The following PPFIA2 variants were observed in gnomAD, a reference collection of about 807,000 sequenced individuals.
PPFIA2 encodes the protein liprin-alpha-2.
PPFIA2 carries 46 observed loss-of-function variants against 175.5 expected under a neutral mutation model. That is an observed-to-expected ratio of 0.26 (90% CI 0.21 to 0.34). PPFIA2 has a LOEUF of 0.34. Among genes scored for constraint, PPFIA2 ranks in the 10% least tolerant of loss-of-function variants. The pLI is 1.00. For missense variants in PPFIA2, 1,179 were observed against 1,506.1 expected (o/e 0.78, Z 3.60); for synonymous variants, 568 against 511.4 (o/e 1.11, Z -1.49).
intron 5 of PPFIA2, among the ~76,000 whole-genome samples, chr12:81,452,065 C>G (rs1368940363): frequency 1.1e-4 from 16 of 152,082 alleles, no homozygotes; most frequent in Admixed American, 9.8e-4. Flanking sequence ...ACCACAGGTT[C>G]TATGTGTATA....
intron 22 of PPFIA2, among the ~76,000 whole-genome samples, chr12:81,299,883 G>A (rs1046511829): frequency 4.9e-4 from 75 of 152,020 alleles, no homozygotes; most frequent in African/African-American, 1.8e-3. Context: ...GTGGGTCCAG[G>A]GATCTATCTT....
rs1440286058 is a variant in PPFIA2 at position 81,353,275 on chromosome 12, G to C, written c.1838C>G (p.Pro613Arg). ...AGACATTTCAGTGTCACTTTCAAAAGGGTGGCTGCTTAGTACTCCAATCTG... is the reference window on the plus strand; with the variant it reads ...AGACATTTCAGTGTCACTTTCAAAACGGTGGCTGCTTAGTACTCCAATCTG... ...TQQIGVLSSHPFESDTEMSDI... is the reference protein window; with the variant it reads ...TQQIGVLSSHRFESDTEMSDI... Residue 613 changes from proline to arginine, a missense_variant, in exon 17 of 33, where the codon CCT becomes CGT. Physicochemically the swap from Pro to Arg is moderately radical, Grantham distance 103 (BLOSUM62 -2). Around this residue, in one of 10 missense-constraint regions of PPFIA2, gnomAD observed 186 missense variants for 163.6 expected, o/e 1.14. Transcript: ENST00000549396. 6.2e-7 allele frequency: 1 copy of C among 1,613,708 alleles called. No homozygotes were observed. The highest frequency in any genetic ancestry group is 1.3e-5 in the African/African-American group (1 of 75,010).
intron 4 of PPFIA2, among the ~76,000 whole-genome samples, chr12:81,555,823 G>T (rs1040282812): frequency 3.3e-5 from 5 of 151,846 alleles, no homozygotes; most frequent in African/African-American, 1.2e-4. Context: ...GTACAGACTT[G>T]ATACATATTA....
At chr12:81,487,216 C>T (rs1450707941) in intron 4 of PPFIA2, among the ~76,000 whole-genome samples, 2 of 151,770 alleles carry the variant, frequency 1.3e-5, no homozygotes, top group Non-Finnish European at 2.9e-5. Context: ...GAAAGGTGAC[C>T]CCTGGAAAGA....
intron 4 of PPFIA2, among the ~76,000 whole-genome samples, chr12:81,521,859 A>G (rs888279457): frequency 6.6e-6 from 1 of 151,952 alleles, no homozygotes. Context: ...TTTTGTAAAA[A>G]TCTATGATCT....
At chr12:81,662,682 T>G (rs2069171408) in intron 4 of PPFIA2, among the ~76,000 whole-genome samples, 1 of 151,902 alleles carries the variant, frequency 6.6e-6, no homozygotes, top group Non-Finnish European at 1.5e-5. Context: ...AAAGAAGTAA[T>G]CCTCCCTAAC....
intron 3 of PPFIA2, among the ~76,000 whole-genome samples, chr12:81,688,969 AT>A (rs1387456807): frequency 7.9e-5 from 12 of 151,726 alleles, no homozygotes. Flanking sequence ...AAGAAAACAG[AT>A]GATCTATATT....
At chr12:81,656,759 G>A (rs1316866004) in intron 4 of PPFIA2, among the ~76,000 whole-genome samples, 1 of 150,854 alleles carries the variant, frequency 6.6e-6, no homozygotes, top group Non-Finnish European at 1.5e-5. Flanking sequence ...GAACTCTTTT[G>A]GTAAAATATT....
chr12:81,344,589 G>A, intron 19 of PPFIA2, 75 bp downstream of exon 19: 1 of 1,056,958 alleles, frequency 9.5e-7, no homozygotes. Flanking sequence ...TTCGACTAGA[G>A]GGAATATTAT....
chr12:81,511,693 G>A (rs1037585384), intron 4 of PPFIA2, among the ~76,000 whole-genome samples: 4 of 151,714 alleles, frequency 2.6e-5, no homozygotes, highest in Admixed American at 6.6e-5. Context: ...ATCAATGCTC[G>A]GTACAAAAAA....
intron 4 of PPFIA2, among the ~76,000 whole-genome samples, chr12:81,483,128 C>T (rs1374901749): frequency 6.6e-6 from 1 of 152,152 alleles, no homozygotes; most frequent in Non-Finnish European, 1.5e-5. Context: ...CAAAATGGCA[C>T]AGTCACTTTG....
At chr12:81,531,231 C>T (rs754888610) in intron 4 of PPFIA2, among the ~76,000 whole-genome samples, 2 of 151,722 alleles carry the variant, frequency 1.3e-5, no homozygotes, top group Non-Finnish European at 2.9e-5. Context: ...CCAAAAATAC[C>T]AATTAAGTAG....
intron 4 of PPFIA2, among the ~76,000 whole-genome samples, chr12:81,664,433 G>GA (rs2069665132): frequency 6.6e-6 from 1 of 152,064 alleles, no homozygotes. Flanking sequence ...AAAGACACAT[G>GA]AAAAAATGCT....
chr12:81,490,525 G>A (rs1705157081), intron 4 of PPFIA2, among the ~76,000 whole-genome samples: 1 of 151,906 alleles, frequency 6.6e-6, no homozygotes, highest in Admixed American at 6.6e-5. Flanking sequence ...AGCACTAAGT[G>A]CAAACAGAGG....
intron 16 of PPFIA2, 79 bp downstream of exon 16, chr12:81,358,003 T>A (rs985637086): frequency 7.8e-7 from 1 of 1,284,970 alleles, no homozygotes; most frequent in African/African-American, 1.5e-5. Context: ...TTTCTAATTA[T>A]CTCAGTGTTA....
At chr12:81,272,956 TA>T (rs1315574366) in intron 28 of PPFIA2, among the ~76,000 whole-genome samples, 2 of 152,218 alleles carry the variant, frequency 1.3e-5, no homozygotes, top group East Asian at 3.8e-4. Flanking sequence ...ATATACATAA[TA>T]AAATTTATTT....
intron 28 of PPFIA2, among the ~76,000 whole-genome samples, chr12:81,274,185 A>T (rs1449367162): frequency 6.6e-6 from 1 of 152,202 alleles, no homozygotes; most frequent in African/African-American, 2.4e-5. Flanking sequence ...TGTGGGTGGC[A>T]GCAACAGTTC....
intron 3 of PPFIA2, among the ~76,000 whole-genome samples, chr12:81,724,788 CAT>C (rs897725647): frequency 2.6e-5 from 4 of 150,978 alleles, no homozygotes; most frequent in African/African-American, 9.7e-5. Flanking sequence ...CTGCAATAAA[CAT>C]AAGGGGGAAG....
At chr12:81,393,074 T>C (rs377105620) in intron 8 of PPFIA2, among the ~76,000 whole-genome samples, 4 of 152,150 alleles carry the variant, frequency 2.6e-5, no homozygotes, top group African/African-American at 9.6e-5. Flanking sequence ...TTCATTCTTA[T>C]AGCAGTCAGA....
Sources: gnomAD v4.1 joint callset for allele counts (sites outside exome capture counted in the v4.1 genomes callset) on GRCh38, gnomAD v4.1.1 for gene constraint, gnomAD v4.1.1 regional missense constraint, MANE v1.5 for transcripts, NCBI Gene and HGNC (gene_info 2026-07-23, HGNC 2026-07-21) for gene names.